Variants in MED14 observed in about 807,000 individuals in gnomAD.
The protein encoded by MED14 is mediator of RNA polymerase II transcription subunit 14.
A neutral mutation model predicts 109.0 loss-of-function variants in MED14; 8 were observed. The ratio of observed to expected loss-of-function variants is 0.07; its 90% CI spans 0.04 to 0.13. MED14 has a LOEUF of 0.13. Ranked by LOEUF, MED14 falls within the 10% of genes least tolerant of loss-of-function variation. The pLI is 1.00. For missense variants in MED14, 711 were observed against 1,142.4 expected (o/e 0.62, Z 5.44); for synonymous variants, 399 against 408.7 (o/e 0.98, Z 0.29).
intron 1 of MED14, chrX:40,729,672 A>C (rs1450213427): frequency 1.0e-5 from 2 of 195,697 alleles, no homozygotes; most frequent in Non-Finnish European, 1.8e-5. Context: ...TTTAAGACCA[A>C]AATGGTCACA....
Position 40,709,418 on chromosome X carries a change from G to A in MED14, c.1215C>T (p.Val405=). Residue 405 remains valine (V), a synonymous_variant, in exon 10 of 31, where the codon GTC becomes GTT. Transcript: ENST00000324817. ...LSIEKLLIDS[V]HARAHQKLQE... is the part of the protein sequence containing the mutation. ...GGAGCTTCTGATGAGCTCTTGCATG[G>A]ACACTGTCAATCAGGAGTTTTTCTA... 1 of 1,144,021 alleles carries A rather than the reference G, an allele frequency of 8.7e-7. No individual in the cohort carries two copies. Among genetic ancestry groups the A allele is most frequent in the South Asian group, 2.2e-5 (1 of 46,190 alleles). The allele number at this position is 1,144,021 out of a possible 1,213,427, so 94.3% of individuals were successfully genotyped here.
intron 3 of MED14, among the ~76,000 whole-genome samples, chrX:40,720,105 C>T (rs192304260): frequency 8.9e-6 from 1 of 112,296 alleles, no homozygotes; most frequent in East Asian, 2.8e-4. Context: ...AACAAAAATG[C>T]TGAGAGGGTC....
chrX:40,693,037 G>T, intron 13 of MED14, 135 bp from the exon 14 acceptor site: 1 of 452,161 alleles, frequency 2.2e-6, no homozygotes, highest in Non-Finnish European at 3.3e-6. Flanking sequence ...TAAATCAATC[G>T]TATCAAAAAA....
chrX:40,722,711 A>C (rs1159487755), intron 3 of MED14, among the ~76,000 whole-genome samples: 2 of 111,831 alleles, frequency 1.8e-5, no homozygotes, highest in Non-Finnish European at 1.9e-5. Context: ...ATGGGATCCT[A>C]AAAGCAGCAA....
rs12558065 is a variant in MED14, at chrX:40,682,960, T to C, written c.2094A>G (p.Gln698=). 0.021 allele frequency: 25,003 copies of C among 1,208,686 alleles called. 221 individuals are homozygous for C. The highest frequency in any genetic ancestry group is 0.025 in the Non-Finnish European group (22,502 of 894,579). ...PPCKGITEET[Q]KALDRSLLDC... ...CAAGAAGAGAGCGGTCCAGAGCCTT[T>C]TGGGTTTCCTCAGTTATACCCTTAC... Residue 698 remains glutamine, a synonymous_variant, in exon 17 of 31, where the codon CAA becomes CAG. Coordinates refer to ENST00000324817, the MANE Select transcript of MED14 (RefSeq NM_004229.4).
Position 40,711,213 on chromosome X carries a change from C to T in MED14, c.978G>A (p.Val326=). ...GGCACTTTCCAGCATGATACCTTTC[C>T]ACCTGCACAAGGTCTCCCCACCGTT... The part of the protein sequence containing the change: ...IRERWGDLVQ[V]ERYHAGKCLS... Residue 326 remains valine, a synonymous_variant, in exon 8 of 31, where the codon GTG becomes GTA. Coordinates refer to ENST00000324817, the MANE Select transcript of MED14 (RefSeq NM_004229.4). 1 of 1,210,638 alleles carries T rather than the reference C, an allele frequency of 8.3e-7. No individual in the cohort carries two copies. The highest frequency in any genetic ancestry group is 1.1e-6 in the Non-Finnish European group (1 of 894,547).
chrX:40,686,098 C>A (rs770059093), intron 16 of MED14, among the ~76,000 whole-genome samples: 1 of 111,702 alleles, frequency 9.0e-6, no homozygotes, highest in South Asian at 3.7e-4. Flanking sequence ...ACAGCACTTA[C>A]TGGACCAACA....
rs1039770899 is a variant in MED14 at position 40,713,710 on chromosome X, T to C, written c.652+68A>G. 6.2e-6 allele frequency: 7 copies of C among 1,137,117 alleles called. No individual in the cohort carries two copies. The African/African-American group carries it at 1.1e-4, about 18-fold the overall frequency. The allele number at this position is 1,137,117 out of a possible 1,213,427, so 93.7% of individuals were successfully genotyped here. A position where few individuals can be genotyped will look rare whatever the true frequency, so the allele number is the denominator to read the frequency against. The stretch of plus-strand genomic sequence containing the variant: ...TGCCTGCCTCAGTCTCCCAAAGTGC[T>C]GAGATTACAGGCATGAGCCACCGCA... On this transcript the variant is annotated intron_variant, in intron 5 of 30. Transcript: ENST00000324817.
chrX:40,667,546 T>C (rs954926103), intron 23 of MED14, among the ~76,000 whole-genome samples: 1 of 109,243 alleles, frequency 9.2e-6, no homozygotes, highest in Admixed American at 9.6e-5. Context: ...ACCAGAGAGG[T>C]TGGAGGAAGA....
intron 16 of MED14, among the ~76,000 whole-genome samples, chrX:40,687,529 A>G (rs1441904234): frequency 8.9e-6 from 1 of 111,926 alleles, no homozygotes; most frequent in Non-Finnish European, 1.9e-5. Context: ...TTGTTGAAGG[A>G]CATTTACATA....
At chrX:40,691,441 T>C (rs1170504246) in intron 15 of MED14, among the ~76,000 whole-genome samples, 1 of 110,569 alleles carries the variant, frequency 9.0e-6, no homozygotes, top group Admixed American at 9.7e-5. Flanking sequence ...TTAAAAACTG[T>C]CCACTTGCTT....
At chrX:40,652,287 T>C (rs1312002451) in intron 30 of MED14, among the ~76,000 whole-genome samples, 1 of 111,776 alleles carries the variant, frequency 8.9e-6, no homozygotes. Context: ...TTTCAAACGT[T>C]GCATTAAAGG....
upstream of MED14, chrX:40,735,636 G>A (rs1276062289): frequency 1.0e-5 from 5 of 497,101 alleles, no homozygotes; most frequent in South Asian, 5.0e-5. Context: ...AGGCGGGGAT[G>A]GGGGGGAAGC....
chrX:40,653,354 C>T (rs753294236), intron 30 of MED14, among the ~76,000 whole-genome samples: 14 of 111,748 alleles, frequency 1.3e-4, no homozygotes, highest in African/African-American at 4.5e-4. Flanking sequence ...AAGAAGCACA[C>T]CCTTCTCTAC....
chrX:40,702,121 C>T (rs1412214529), intron 11 of MED14, among the ~76,000 whole-genome samples: 1 of 111,581 alleles, frequency 9.0e-6, no homozygotes, highest in Non-Finnish European at 1.9e-5. Context: ...CATGCTGACA[C>T]CTTGATCTTG....
chrX:40,728,684 T>C (rs1372807902), intron 2 of MED14, among the ~76,000 whole-genome samples: 2 of 112,226 alleles, frequency 1.8e-5, no homozygotes, highest in African/African-American at 6.5e-5. Context: ...CATTTTAGCC[T>C]TAAGTTAAAT....
At chrX:40,661,989 A>G (rs1330338008) in intron 26 of MED14, among the ~76,000 whole-genome samples, 1 of 110,293 alleles carries the variant, frequency 9.1e-6, no homozygotes, top group African/African-American at 3.3e-5. Context: ...TCAACCTCCC[A>G]TATAGCTGGG....
chrX:40,657,227 C>T (rs893235500), intron 28 of MED14, among the ~76,000 whole-genome samples: 2 of 111,630 alleles, frequency 1.8e-5, no homozygotes, highest in Admixed American at 9.5e-5. Flanking sequence ...CATTGAATTG[C>T]GCACCTGAAG....
In MED14 at chrX:40,650,345, A is replaced by G. The variant is rs1017247020; in HGVS notation, c.*1461T>C. 5.3e-6 allele frequency: 4 copies of G among 751,671 alleles called. No individual in the cohort carries two copies. The highest frequency in any genetic ancestry group is 8.8e-5 in the Admixed American group (1 of 11,405). 61.9% of individuals were successfully genotyped at this position (751,671 alleles called of 1,213,427 possible). On this transcript the variant is annotated 3_prime_UTR_variant, in exon 31 of 31. Transcript: ENST00000324817. ...GAGAATCAAACAAAGTTGAGAACAG[A>G]TATGATATAGGTACAGTGAGATACT...
Sources: gnomAD v4.1 joint callset for allele counts (sites outside exome capture counted in the v4.1 genomes callset) on GRCh38, gnomAD v4.1.1 for gene constraint, MANE v1.5 for transcripts, NCBI Gene and HGNC (gene_info 2026-07-23, HGNC 2026-07-21) for gene names.